SEC16A: variants seen among roughly 807,000 people sequenced by gnomAD.
SEC16A encodes protein transport protein Sec16A.
SEC16A carries 110 observed loss-of-function variants against 221.9 expected under a neutral mutation model. That is an observed-to-expected ratio of 0.50 (90% CI 0.42 to 0.58). SEC16A has a LOEUF of 0.58. Among genes scored for constraint, SEC16A ranks in the 20% least tolerant of loss-of-function variants. The pLI, the probability that SEC16A is intolerant of heterozygous loss-of-function variation, is 0.00. For missense variants in SEC16A, 3,165 were observed against 3,097.8 expected, an observed-to-expected ratio of 1.02 and a Z score of -0.52; for synonymous variants, 1,393 against 1,257.7, an observed-to-expected ratio of 1.11 and a Z score of -2.28.
chr9:136,473,911 A>G (rs1369133127), intron 3 of SEC16A, 138 bp downstream of exon 3: 1 of 913,596 alleles, frequency 1.1e-6, no homozygotes, highest in Non-Finnish European at 1.6e-6. Context: ...TTACTGGAAT[A>G]CTGTTCTCAC....
At chr9:136,483,169 T>G, upstream of SEC16A, 1 of 264,144 alleles carries the variant, frequency 3.8e-6, no homozygotes, top group Non-Finnish European at 5.4e-6. Flanking sequence ...TCACAGCCCA[T>G]CCCTCGGCCC....
intron 5 of SEC16A, 70 bp downstream of exon 5, chr9:136,468,345 G>A: frequency 1.1e-6 from 1 of 926,630 alleles, no homozygotes; most frequent in Admixed American, 1.9e-5. Flanking sequence ...GCTGGCCAGG[G>A]CTGCATGTCA....
intron 30 of SEC16A, 58 bp downstream of exon 30, chr9:136,444,994 G>C: frequency 6.6e-7 from 1 of 1,515,948 alleles, no homozygotes. Context: ...CGCGTGCTCA[G>C]GAACACAGGC....
At chr9:136,483,492 GT>G (rs1347794446), upstream of SEC16A, 2 of 950,552 alleles carry the variant, frequency 2.1e-6, no homozygotes, top group Non-Finnish European at 2.5e-6. Flanking sequence ...CCCCTCCGGC[GT>G]CCGTCTGCCG....
At chr9:136,450,833 G>A (rs1240240420) in intron 23 of SEC16A, among the ~76,000 whole-genome samples, 3 of 152,260 alleles carry the variant, frequency 2.0e-5, no homozygotes, top group South Asian at 4.1e-4. Flanking sequence ...AAAAACAAGC[G>A]CATTCGCCAA....
rs1837769811 is a variant in SEC16A at position 136,451,312 on chromosome 9, G to A, written c.6256C>T (p.Pro2086Ser). 1.2e-6 allele frequency: 2 copies of A among 1,613,472 alleles called. No homozygotes were observed. Among genetic ancestry groups the A allele is most frequent in the African/African-American group, 1.3e-5 (1 of 74,922 alleles). The change falls in exon 23 of 32, where the codon CCC (proline) becomes TCC (serine). Residue 2086 changes from proline to serine, a missense_variant. Coordinates refer to ENST00000684901, the MANE Select transcript of SEC16A (RefSeq NM_014866.2). ...TQPPLSLSPA[P>S]ETKRPGQAAK... Reference sequence around the variant, plus strand: ...GCCTGTCCGGGTCTCTTTGTTTCGGGAGCGGGTGAGAGAGACAGAGGTGGC... The same window carrying A: ...GCCTGTCCGGGTCTCTTTGTTTCGGAAGCGGGTGAGAGAGACAGAGGTGGC...
intron 12 of SEC16A, among the ~76,000 whole-genome samples, chr9:136,461,656 G>A (rs1312884220): frequency 6.6e-6 from 1 of 152,214 alleles, no homozygotes; most frequent in Non-Finnish European, 1.5e-5. Flanking sequence ...AACACGGAGA[G>A]TGACTCCAGT....
At chr9:136,450,414 G>A (rs1013153692) in intron 23 of SEC16A, among the ~76,000 whole-genome samples, 1 of 151,988 alleles carries the variant, frequency 6.6e-6, no homozygotes, top group African/African-American at 2.4e-5. Context: ...CTACGAGGCA[G>A]GAGGATCACT....
Position 136,463,072 on chromosome 9 carries a change from G to T in SEC16A, c.4708C>A (p.Pro1570Thr). The T allele has an allele frequency of 1.2e-6, 2 of 1,612,500 alleles. No homozygotes were observed. ...TTTGCTTCATTGGGCGACTTCCCAG[G>T]AAGCCACACTGTTCTGTGGTCTCGT... is the stretch of plus-strand genomic sequence containing the variant. ...LLRDHRTVWL[P>T]GKSPNEANLI... The change falls in exon 12 of 32, where the codon CCT becomes ACT. Residue 1570 changes from proline (P) to threonine (T), a missense_variant. Around this residue, in one of 3 missense-constraint regions of SEC16A, gnomAD observed 1,088 missense variants for 1,089.6 expected, o/e 1.00. Coordinates refer to ENST00000684901, the MANE Select transcript of SEC16A (RefSeq NM_014866.2).
chr9:136,463,723 C>A lies in SEC16A; in HGVS notation c.4464G>T (p.Thr1488=), dbSNP rs1052181874. Residue 1488 remains threonine (T), a synonymous_variant, in exon 10 of 32, where the codon ACG becomes ACT. Coordinates refer to ENST00000684901, the MANE Select transcript of SEC16A (RefSeq NM_014866.2). Reference sequence around the variant, plus strand: ...ACGCCCGCATCTCCTCCTGCTCAGACGTGTGCTGCAGCAAGGCCTACGAGG... The same window carrying A: ...ACGCCCGCATCTCCTCCTGCTCAGAAGTGTGCTGCAGCAAGGCCTACGAGG... The part of the protein sequence containing the change: ...VHSMEALLQH[T]SEQEEMRAFP... 1 of 1,612,216 alleles carries A rather than the reference C, an allele frequency of 6.2e-7. No homozygotes were observed. The highest frequency in any genetic ancestry group is 1.3e-5 in the African/African-American group (1 of 75,038).
At chr9:136,483,456 CG>C, upstream of SEC16A, 1 of 814,882 alleles carries the variant, frequency 1.2e-6, no homozygotes, top group Non-Finnish European at 1.5e-6. Flanking sequence ...GCCCCTCGGC[CG>C]TCCTTCCCCG....
intron 30 of SEC16A, 104 bp downstream of exon 30, chr9:136,444,948 G>A (rs1294868715): frequency 1.6e-5 from 14 of 855,176 alleles, no homozygotes; most frequent in Non-Finnish European, 2.5e-5. Context: ...GACAACGGGC[G>A]AGGTTAGTGG....
intron 23 of SEC16A, among the ~76,000 whole-genome samples, chr9:136,449,962 G>T (rs1332669364): frequency 1.3e-5 from 2 of 152,162 alleles, no homozygotes; most frequent in Non-Finnish European, 2.9e-5. Context: ...CCAGTACTTT[G>T]GGAGGCCAAG....
chr9:136,475,531 C>T lies in SEC16A; in HGVS notation c.2085G>A (p.Pro695=), dbSNP rs374242363. The T allele has an allele frequency of 1.5e-5, 25 of 1,612,990 alleles. No homozygotes were observed. The highest frequency in any genetic ancestry group is 2.7e-5 in the African/African-American group (2 of 74,902). ...GTGCTGGATACACAGTATCCAAGGG[C>T]GGTGCCCCTGCGTGCGGAAGCATGT... ...AVHMLPHAGA[P]PLDTVYPAPE... Residue 695 remains proline (P), a synonymous_variant, in exon 3 of 32, where the codon CCG becomes CCA. Coordinates refer to ENST00000684901, the MANE Select transcript of SEC16A (RefSeq NM_014866.2). This position sits in a 1 kb window ranked among gnomAD's most constrained non-coding sequence, Gnocchi z 5.0.
Position 136,463,024 on chromosome 9 carries a change from C to A in SEC16A, c.4756G>T (p.Ala1586Ser). 1 of 1,612,328 alleles carries A rather than the reference C, an allele frequency of 6.2e-7. No individual in the cohort carries two copies. Among genetic ancestry groups the A allele is most frequent in the Admixed American group, 1.7e-5 (1 of 60,020 alleles). Residue 1586 changes from alanine (A) to serine (S), a missense_variant, in exon 12 of 32, where the codon GCA becomes TCA. Around this residue, in one of 3 missense-constraint regions of SEC16A, gnomAD observed 1,088 missense variants for 1,089.6 expected, o/e 1.00. Coordinates refer to ENST00000684901, the MANE Select transcript of SEC16A (RefSeq NM_014866.2). ...EANLIDFTNE[A>S]VEQVEEEESG... ...TCCTCCTCTTCCACCTGCTCCACTG[C>A]CTCATTCGTGAAATCAATCAGGTTT...
At chr9:136,482,879 G>C in intron 1 of SEC16A, 59 bp downstream of exon 1, 1 of 714,196 alleles carries the variant, frequency 1.4e-6, no homozygotes, top group Non-Finnish European at 1.7e-6. Flanking sequence ...TGGCTCCGCC[G>C]GCCGGCCTCC....
chr9:136,461,033 C>T (rs979862825), intron 13 of SEC16A, 144 bp downstream of exon 13: 5 of 658,198 alleles, frequency 7.6e-6, no homozygotes, highest in South Asian at 3.4e-5. Flanking sequence ...AAGGAAGCCT[C>T]GAGGCCAAGG....
chr9:136,460,682 C>A (rs1035171597), intron 13 of SEC16A, among the ~76,000 whole-genome samples: 17 of 151,482 alleles, frequency 1.1e-4, no homozygotes, highest in Non-Finnish European at 4.4e-5. Context: ...AAGGCCAAGG[C>A]GGGCAGATCC....
At chr9:136,473,930 G>C (rs1315980426) in intron 3 of SEC16A, 119 bp downstream of exon 3, 4 of 1,100,246 alleles carry the variant, frequency 3.6e-6, no homozygotes, top group Non-Finnish European at 3.9e-6. Flanking sequence ...ACGCCTGCGG[G>C]ACTGTGGGTG....
Sources: allele counts gnomAD v4.1 joint callset (sites outside exome capture counted in the v4.1 genomes callset), GRCh38; gene constraint gnomAD v4.1.1; regional missense constraint gnomAD v4.1.1; non-coding constraint Gnocchi (gnomAD v3.1); transcripts MANE v1.5; gene names NCBI Gene and HGNC (gene_info 2026-07-23, HGNC 2026-07-21).